The following NT5C3A variants were observed in gnomAD, a reference collection of about 807,000 sequenced individuals.
The protein encoded by NT5C3A is cytosolic 5'-nucleotidase 3A.
NT5C3A carries 23 observed loss-of-function variants against 40.0 expected under a neutral mutation model. That is an observed-to-expected ratio of 0.58 (90% confidence interval 0.41 to 0.81). The LOEUF (loss-of-function observed/expected upper bound fraction) is 0.81, where lower values mean the gene tolerates loss of function less well. Ranked by LOEUF, NT5C3A falls within the 40% of genes least tolerant of loss-of-function variation. NT5C3A has a pLI of 0.00. For synonymous variants in NT5C3A, 130 were observed against 141.4 expected, an observed-to-expected ratio of 0.92 and a Z score of 0.57; for missense variants, 328 against 403.0, an observed-to-expected ratio of 0.81 and a Z score of 1.59.
Position 33,014,844 on chromosome 7 carries a change from T to A in NT5C3A, c.895-13A>T, listed in dbSNP as rs758377119. On this transcript the variant is annotated splice_polypyrimidine_tract_variant and intron_variant, in intron 8 of 8. Coordinates refer to ENST00000610140, the MANE Select transcript of NT5C3A (RefSeq NM_001002010.5). ...AAAGCTCATCCACCTAATCAAGAGATGAACAAAAGAAAATTAACATGCAGG... is the reference window on the plus strand; with the variant it reads ...AAAGCTCATCCACCTAATCAAGAGAAGAACAAAAGAAAATTAACATGCAGG... 1 of 1,604,932 alleles carries A rather than the reference T, an allele frequency of 6.2e-7. No individual in the cohort carries two copies. The highest frequency in any genetic ancestry group is 1.7e-5 in the Admixed American group (1 of 59,968).
At chr7:33,039,641 T>A (rs1196605690) in intron 1 of NT5C3A, among the ~76,000 whole-genome samples, 1 of 151,230 alleles carries the variant, frequency 6.6e-6, no homozygotes, top group Non-Finnish European at 1.5e-5. Flanking sequence ...CTTTTCTGTA[T>A]GGCTGTAATA....
chr7:33,062,352 G>T (rs1487864785), intron 1 of NT5C3A, among the ~76,000 whole-genome samples: 1 of 152,234 alleles, frequency 6.6e-6, no homozygotes, highest in Admixed American at 6.5e-5. Flanking sequence ...CGCAGCCGGG[G>T]ACCCAACCCT....
chr7:33,052,715 C>G (rs557232930), intron 1 of NT5C3A, among the ~76,000 whole-genome samples: 3 of 152,164 alleles, frequency 2.0e-5, no homozygotes, highest in Non-Finnish European at 4.4e-5. Flanking sequence ...TTTTGTTACA[C>G]ATAAAATTTG....
intron 1 of NT5C3A, among the ~76,000 whole-genome samples, chr7:33,061,309 C>T (rs981733226): frequency 1.3e-5 from 2 of 152,122 alleles, no homozygotes; most frequent in Non-Finnish European, 2.9e-5. Context: ...TTTTAATAAG[C>T]CTTTAGAATT....
At chr7:33,015,581 C>G (rs201533244) in intron 8 of NT5C3A, 89 bp downstream of exon 8, 1 of 821,282 alleles carries the variant, frequency 1.2e-6, no homozygotes, top group African/African-American at 1.7e-5. Context: ...TCTAAAATAA[C>G]TACTTTCTCA....
At chr7:33,053,254 T>C (rs7803427) in intron 1 of NT5C3A, among the ~76,000 whole-genome samples, 116,114 of 152,022 alleles carry the variant, frequency 0.76, 44,766 homozygotes, top group African/African-American at 0.86. Flanking sequence ...ATGGTGTAAT[T>C]TTGGCTCACG....
At position 33,019,561 on chromosome 7, in the gene NT5C3A, G is replaced by A. The variant is rs563305321; in HGVS notation, c.530+74C>T. On this transcript the variant is annotated intron_variant, in intron 6 of 8. Coordinates refer to ENST00000610140, the MANE Select transcript of NT5C3A (RefSeq NM_001002010.5). ...GAATATTCAATCTTATTTTTAAAAA[G>A]TACAACTGACTACATAAATAGCAAT... 2.2e-5 allele frequency: 20 copies of A among 904,170 alleles called. No homozygotes were observed. In the African/African-American group the frequency reaches 2.8e-4, roughly 13 times the overall value. 56.0% of individuals were successfully genotyped at this position (904,170 alleles called of 1,614,324 possible). A position where few individuals can be genotyped will look rare whatever the true frequency, so the allele number is the denominator to read the frequency against.
chr7:33,038,918 T>G (rs1349925232), intron 1 of NT5C3A: 3 of 456,376 alleles, frequency 6.6e-6, no homozygotes, highest in Admixed American at 2.4e-5. Flanking sequence ...ATACTGCCCT[T>G]GATCTACGAA....
At chr7:33,043,030 C>A (rs1387722454) in intron 1 of NT5C3A, among the ~76,000 whole-genome samples, 1 of 152,126 alleles carries the variant, frequency 6.6e-6, no homozygotes, top group Non-Finnish European at 1.5e-5. Context: ...TTCCTTGTCT[C>A]ATATAATACT....
At chr7:33,052,346 G>C (rs923724838) in intron 1 of NT5C3A, among the ~76,000 whole-genome samples, 6 of 145,316 alleles carry the variant, frequency 4.1e-5, no homozygotes, top group African/African-American at 1.5e-4. Context: ...AGCCAGGCGT[G>C]GTAGCAGGTG....
chr7:33,056,649 C>G (rs904350240), intron 1 of NT5C3A, among the ~76,000 whole-genome samples: 1 of 151,880 alleles, frequency 6.6e-6, no homozygotes, highest in Admixed American at 6.6e-5. Context: ...TCCAGCCTGG[C>G]AGCAGGGTGA....
chr7:33,049,788 T>TGA (rs1787291471), intron 1 of NT5C3A, among the ~76,000 whole-genome samples: 1 of 150,968 alleles, frequency 6.6e-6, no homozygotes, highest in Non-Finnish European at 1.5e-5. Flanking sequence ...GCTAACACGG[T>TGA]GAAACCCCGT....
At chr7:33,058,858 C>T (rs770252430) in intron 1 of NT5C3A, among the ~76,000 whole-genome samples, 2 of 152,206 alleles carry the variant, frequency 1.3e-5, no homozygotes, top group African/African-American at 2.4e-5. Flanking sequence ...ATCCTCAGCA[C>T]AACTACTTCC....
At chr7:33,060,854 TA>T (rs1323438541) in intron 1 of NT5C3A, among the ~76,000 whole-genome samples, 1 of 152,132 alleles carries the variant, frequency 6.6e-6, no homozygotes, top group Non-Finnish European at 1.5e-5. Flanking sequence ...CTATTAAAAT[TA>T]AAAAAGTTAA....
chr7:33,028,588 A>G (rs1405436371), intron 1 of NT5C3A, among the ~76,000 whole-genome samples: 5 of 152,224 alleles, frequency 3.3e-5, no homozygotes, highest in Non-Finnish European at 7.3e-5. Context: ...AACATAGTTC[A>G]TGTGTGTCAT....
chr7:33,058,587 A>G (rs12672827), intron 1 of NT5C3A, among the ~76,000 whole-genome samples: 110,264 of 152,112 alleles, frequency 0.72, 40,230 homozygotes, highest in African/African-American at 0.79. Context: ...CTGACCTCAG[A>G]TGATCCACCC....
At chr7:33,036,070 T>A (rs1786585677) in intron 1 of NT5C3A, 1 of 1,057,818 alleles carries the variant, frequency 9.5e-7, no homozygotes, top group African/African-American at 1.6e-5. Context: ...TTCTTCCTGT[T>A]ATGCCAATAA....
rs779132874 is a variant in NT5C3A at position 33,014,829 on chromosome 7, C to T, written c.897G>A (p.Val299=). Residue 299 remains valine, a splice_region_variant and synonymous_variant, in exon 9 of 9, where the codon GTG becomes GTA. Coordinates refer to ENST00000610140, the MANE Select transcript of NT5C3A (RefSeq NM_001002010.5). ...CCATGTACTTTTCTAAAAGCTCATC[C>T]ACCTAATCAAGAGATGAACAAAAGA... The part of the protein sequence containing the change: ...ILKIGYLNDR[V]DELLEKYMDS... The T allele has an allele frequency of 1.9e-5, 30 of 1,610,376 alleles. No individual in the cohort carries two copies. Among genetic ancestry groups the T allele is most frequent in the Non-Finnish European group, 2.5e-5 (30 of 1,178,322 alleles).
intron 3 of NT5C3A, among the ~76,000 whole-genome samples, chr7:33,022,680 T>C (rs901797324): frequency 3.9e-5 from 6 of 152,218 alleles, no homozygotes; most frequent in African/African-American, 1.4e-4. Flanking sequence ...CATTTCACAT[T>C]GTAGTCTGCA....
Sources: allele counts gnomAD v4.1 joint callset (sites outside exome capture counted in the v4.1 genomes callset), GRCh38; gene constraint gnomAD v4.1.1; transcripts MANE v1.5; gene names NCBI Gene and HGNC (gene_info 2026-07-23, HGNC 2026-07-21).